CAMK2B: variants seen among roughly 807,000 people sequenced by gnomAD.
The protein encoded by CAMK2B is calcium/calmodulin-dependent protein kinase type II subunit beta.
Under a neutral mutation model 93.7 loss-of-function variants are expected in CAMK2B, and 27 were observed. The observed-to-expected ratio is 0.29, with a 90% confidence interval of 0.21 to 0.40. CAMK2B has a LOEUF of 0.40. Ranked by LOEUF, CAMK2B falls within the 10% of genes least tolerant of loss-of-function variation. The probability of loss-of-function intolerance (pLI) is 1.00; values close to 1 mark genes in which losing one functional copy is unlikely to be tolerated. For synonymous variants in CAMK2B, 374 were observed against 358.8 expected (o/e 1.04, Z -0.48); for missense variants, 568 against 895.8 (o/e 0.63, Z 4.67).
chr7:44,306,694 A>G (rs1364517422), intron 1 of CAMK2B, among the ~76,000 whole-genome samples: 2 of 151,784 alleles, frequency 1.3e-5, no homozygotes, highest in Non-Finnish European at 2.9e-5. Flanking sequence ...CTGTCACTCA[A>G]TCTGGCCATG....
chr7:44,291,575 C>A (rs955684828), intron 1 of CAMK2B, among the ~76,000 whole-genome samples: 1 of 152,222 alleles, frequency 6.6e-6, no homozygotes, highest in Non-Finnish European at 1.5e-5. Context: ...CTTATCAGCA[C>A]GGGAGTTCCT....
chr7:44,265,112 G>C (rs1165013636), intron 2 of CAMK2B, among the ~76,000 whole-genome samples: 1 of 152,152 alleles, frequency 6.6e-6, no homozygotes, highest in East Asian at 1.9e-4. Context: ...TTCAGACTTA[G>C]AGAAAAACTG....
At chr7:44,252,143 G>C (rs1250847028) in intron 5 of CAMK2B, among the ~76,000 whole-genome samples, 7 of 152,128 alleles carry the variant, frequency 4.6e-5, no homozygotes, top group Middle Eastern at 3.2e-3. Flanking sequence ...TGGGCGGAGG[G>C]GTTGGCGCTC....
At chr7:44,304,858 T>C (rs754206551) in intron 1 of CAMK2B, among the ~76,000 whole-genome samples, 10 of 152,092 alleles carry the variant, frequency 6.6e-5, no homozygotes, top group Non-Finnish European at 1.0e-4. Context: ...TATGGGAACT[T>C]TATACTTTCA....
intron 2 of CAMK2B, among the ~76,000 whole-genome samples, chr7:44,264,391 C>T (rs538447194): frequency 9.9e-5 from 15 of 152,250 alleles, no homozygotes; most frequent in Non-Finnish European, 1.6e-4. Context: ...CCTGCAAACA[C>T]GCATATGTCT....
rs1361595731 is a variant in CAMK2B at position 44,263,473 on chromosome 7, G to A, written c.161-409C>T. Among the ~76,000 whole-genome samples, 7 of 152,328 alleles carry A rather than the reference G, an allele frequency of 4.6e-5. No homozygotes were observed. In the East Asian group the frequency reaches 1.4e-3, roughly 29 times the overall value. On this transcript the variant is annotated intron_variant, in intron 2 of 23. Transcript: ENST00000395749. ...GTCAGAATGGGGCCGGGAGGGGGTT[G>A]AGGGTGTGCCCCAGAGCCCGGCTGG...
At chr7:44,219,751 TCA>T (rs1288877033) in intron 23 of CAMK2B, 1 of 446,564 alleles carries the variant, frequency 2.2e-6, no homozygotes, top group African/African-American at 2.0e-5. Context: ...CTAACAGTCC[TCA>T]CAAACAGGGC....
chr7:44,239,697 A>C, intron 12 of CAMK2B, 34 bp from the exon 13 acceptor site: 4 of 586,122 alleles, frequency 6.8e-6, no homozygotes, highest in Non-Finnish European at 1.2e-5. Flanking sequence ...AGGGGAAGGG[A>C]GGGGTGGGCG....
rs1005834153 is a variant in CAMK2B, at chr7:44,231,155, C to T, written c.1177-101G>A. 3 of 837,750 alleles carry T rather than the reference C, an allele frequency of 3.6e-6. No individual in the cohort carries two copies. In the African/African-American group the frequency reaches 5.2e-5, roughly 15 times the overall value. 51.9% of individuals were successfully genotyped at this position (837,750 alleles called of 1,614,324 possible). On this transcript the variant is annotated intron_variant, in intron 16 of 23. Transcript: ENST00000395749. The stretch of plus-strand genomic sequence containing the variant: ...GGCTGGGCCTGTGTCAGGACCAGCC[C>T]AGGCTCTGAAGCTGATCTCTGCCTC...
intron 3 of CAMK2B, among the ~76,000 whole-genome samples, chr7:44,262,675 C>G (rs541726730): frequency 6.6e-6 from 1 of 152,268 alleles, no homozygotes; most frequent in Admixed American, 6.5e-5. Flanking sequence ...TGTCCTTTAC[C>G]TTCCTCTGCA....
rs561194219 is a variant in CAMK2B at position 44,225,470 on chromosome 7, C to A, written c.1597+1046G>T. 6.6e-6 allele frequency among the ~76,000 whole-genome samples: 1 copy of A among 152,140 alleles called. No homozygotes were observed. Among genetic ancestry groups the A allele is most frequent in the Non-Finnish European group, 1.5e-5 (1 of 68,022 alleles). On this transcript the variant is annotated intron_variant, in intron 20 of 23. Coordinates refer to ENST00000395749, the MANE Select transcript of CAMK2B (RefSeq NM_001220.5). The surrounding 1 kb of genome is among the most constrained non-coding windows in gnomAD (Gnocchi z 5.0). Reference sequence around the variant, plus strand: ...TCAGCATCAAGAACCTGGCCTCTCCCCTCAGCTGCTTGCCTCTGATCCCCT... The same window carrying A: ...TCAGCATCAAGAACCTGGCCTCTCCACTCAGCTGCTTGCCTCTGATCCCCT...
In CAMK2B at chr7:44,274,200, G is replaced by A. The variant is rs1285184419; in HGVS notation, c.160+9931C>T. On this transcript the variant is annotated intron_variant, in intron 2 of 23. Transcript: ENST00000395749. ...AATCACTCCACACCGAGCTGGAGTC[G>A]GGGCTCCCCCAGGTGACATGCAGAC... Among the ~76,000 whole-genome samples the A allele has an allele frequency of 2.0e-5, 3 of 152,112 alleles. No homozygotes were observed. In the South Asian group the frequency reaches 6.2e-4, roughly 32 times the overall value.
chr7:44,222,824 G>C (rs1562774783), intron 20 of CAMK2B, among the ~76,000 whole-genome samples: 1 of 58,960 alleles, frequency 1.7e-5, no homozygotes, highest in Non-Finnish European at 3.2e-5. Flanking sequence ...CACACCACCA[G>C]GGAGCCCACC....
At chr7:44,295,243 A>G (rs992120758) in intron 1 of CAMK2B, among the ~76,000 whole-genome samples, 1 of 152,286 alleles carries the variant, frequency 6.6e-6, no homozygotes, top group African/African-American at 2.4e-5. Context: ...AGCAAAGCTT[A>G]AAACATTGGT....
At chr7:44,301,593 A>T (rs901627739) in intron 1 of CAMK2B, among the ~76,000 whole-genome samples, 1 of 152,164 alleles carries the variant, frequency 6.6e-6, no homozygotes, top group Non-Finnish European at 1.5e-5. Context: ...CCTGGCCAAC[A>T]TGGTGAAACC....
At chr7:44,309,948 C>G (rs531221795) in intron 1 of CAMK2B, among the ~76,000 whole-genome samples, 1 of 152,216 alleles carries the variant, frequency 6.6e-6, no homozygotes, top group South Asian at 2.1e-4. Flanking sequence ...AGAACCAGGC[C>G]GAGGCCGCGC....
intron 1 of CAMK2B, among the ~76,000 whole-genome samples, chr7:44,294,355 G>A (rs1479119796): frequency 6.6e-6 from 1 of 152,098 alleles, no homozygotes; most frequent in Non-Finnish European, 1.5e-5. Context: ...GTAGCAAAAG[G>A]GCTACGGAAC....
At position 44,228,913 on chromosome 7, in the gene CAMK2B, A is replaced by C; in HGVS notation, c.1351T>G (p.Ser451Ala). Residue 451 changes from serine to alanine, a missense_variant, in exon 19 of 24, where the codon TCT (serine) becomes GCT (alanine). By Grantham distance (99) the Ser-to-Ala change is moderately conservative. This residue lies in a region of CAMK2B where 308 missense variants were observed against 292.1 expected (regional missense o/e 1.05). Transcript: ENST00000395749. Reference sequence around the variant, plus strand: ...CTTCTCACAGAGTTCAGGATGTCAGAGATCCTGGGGGCTGGGGTGGAACAG... The same window carrying C: ...CTTCTCACAGAGTTCAGGATGTCAGCGATCCTGGGGGCTGGGGTGGAACAG... ...SPLPAPSPRI[S>A]DILNSVRRGS... is the part of the protein sequence containing the mutation. 1 of 1,607,406 alleles carries C rather than the reference A, an allele frequency of 6.2e-7. No individual in the cohort carries two copies. Among genetic ancestry groups the C allele is most frequent in the African/African-American group, 1.3e-5 (1 of 74,778 alleles).
At chr7:44,274,376 C>T (rs1243083406) in intron 2 of CAMK2B, among the ~76,000 whole-genome samples, 1 of 152,230 alleles carries the variant, frequency 6.6e-6, no homozygotes, top group African/African-American at 2.4e-5. Flanking sequence ...GCTGTTCCCC[C>T]TCGAGCTTTG....
Sources: gnomAD v4.1 joint callset for allele counts (sites outside exome capture counted in the v4.1 genomes callset) on GRCh38, gnomAD v4.1.1 for gene constraint, gnomAD v4.1.1 regional missense constraint, Gnocchi (gnomAD v3.1) non-coding constraint, MANE v1.5 for transcripts, NCBI Gene and HGNC (gene_info 2026-07-23, HGNC 2026-07-21) for gene names.